Variants in SHANK2 observed in about 807,000 individuals in gnomAD.
SHANK2 encodes the protein SH3 and multiple ankyrin repeat domains 2.
Under a neutral mutation model 133.7 loss-of-function variants are expected in SHANK2, and 43 were observed. The ratio of observed to expected loss-of-function variants is 0.32; its 90% confidence interval spans 0.25 to 0.41. SHANK2 has a LOEUF of 0.41. Ranked by LOEUF, SHANK2 falls within the 10% of genes least tolerant of loss-of-function variation. The pLI is 1.00. For synonymous variants in SHANK2, 1,017 were observed against 952.8 expected, an observed-to-expected ratio of 1.07 and a Z score of -1.24; for missense variants, 1,994 against 2,235.8, an observed-to-expected ratio of 0.89 and a Z score of 2.18.
intron 14 of SHANK2, among the ~76,000 whole-genome samples, chr11:70,788,045 G>C (rs938717346): frequency 6.6e-6 from 1 of 152,214 alleles, no homozygotes; most frequent in African/African-American, 2.4e-5. Context: ...AGGCTGGAAC[G>C]ATAACGTTAC....
At chr11:70,789,486 C>G (rs973758989) in intron 14 of SHANK2, among the ~76,000 whole-genome samples, 1 of 152,186 alleles carries the variant, frequency 6.6e-6, no homozygotes, top group Admixed American at 6.5e-5. Flanking sequence ...CTCACACCTT[C>G]TACCCAGTCG....
At chr11:71,250,720 G>A (rs1948163468) in intron 1 of SHANK2, among the ~76,000 whole-genome samples, 2 of 152,160 alleles carry the variant, frequency 1.3e-5, no homozygotes, top group African/African-American at 4.8e-5. Context: ...ACAGAAGGGC[G>A]TCACTAACTA....
rs1948178197 is a variant in SHANK2 at position 70,807,028 on chromosome 11, G to A, written c.1637C>T (p.Pro546Leu). ...TTTGACCCTGTCACCGCGGTGAAGG[G>A]GGATCTCGCCGTCCACTTGGGGTTG... ...PYQPQVDGEI[P>L]LHRGDRVKVL... The change falls in exon 13 of 26, where the codon CCC becomes CTC. Residue 546 changes from proline (P) to leucine (L), a missense_variant. Pro to Leu is a moderately conservative substitution (Grantham distance 98). Transcript: ENST00000601538. This position sits in a 1 kb window ranked among gnomAD's most constrained non-coding sequence, Gnocchi z 4.8. 1 of 717,814 alleles carries A rather than the reference G, an allele frequency of 1.4e-6. No homozygotes were observed. The highest frequency in any genetic ancestry group is 1.7e-5 in the African/African-American group (1 of 57,234). The allele number at this position is 717,814 out of a possible 1,614,324, so 44.5% of individuals were successfully genotyped here.
In SHANK2 at chr11:71,200,127, C is replaced by T. The variant is rs1555116846; in HGVS notation, c.-13+24570G>A. Among the ~76,000 whole-genome samples the T allele has an allele frequency of 3.3e-5, 5 of 152,310 alleles. No homozygotes were observed. In the East Asian group the frequency reaches 9.6e-4, roughly 29 times the overall value. On this transcript the variant is annotated intron_variant, in intron 2 of 25. Transcript: ENST00000601538. ...ATGGAAACCCTAAACCCATTAGCAG[C>T]CACCTCCCAGCCTCTGGCAACTGCT...
chr11:70,908,008 G>A (rs1213328872), intron 10 of SHANK2: 1 of 427,004 alleles, frequency 2.3e-6, no homozygotes. Flanking sequence ...GGCTGAGGCA[G>A]GAGAATCGCT....
intron 9 of SHANK2, among the ~76,000 whole-genome samples, chr11:71,060,924 T>C (rs1437147750): frequency 6.6e-6 from 1 of 152,258 alleles, no homozygotes; most frequent in Non-Finnish European, 1.5e-5. Context: ...GAGATTTCCA[T>C]ACTCTACTAA....
At chr11:71,091,243 T>C (rs1565445034) in intron 8 of SHANK2, among the ~76,000 whole-genome samples, 3 of 152,076 alleles carry the variant, frequency 2.0e-5, no homozygotes, top group Non-Finnish European at 4.4e-5. Flanking sequence ...GGGGCTGCCA[T>C]GAACAGCCCC....
chr11:70,800,025 T>C (rs138032935), intron 13 of SHANK2, among the ~76,000 whole-genome samples: 2 of 147,120 alleles, frequency 1.4e-5, no homozygotes, highest in Non-Finnish European at 3.0e-5. Flanking sequence ...TATCTTAGGG[T>C]TTTTTTTTTG....
At chr11:70,763,940 T>C (rs1017707239) in intron 14 of SHANK2, among the ~76,000 whole-genome samples, 2 of 152,210 alleles carry the variant, frequency 1.3e-5, no homozygotes, top group Non-Finnish European at 2.9e-5. Flanking sequence ...GTATGAAAGT[T>C]AGATGCTGAC....
At chr11:71,130,229 G>A (rs1352210732) in intron 3 of SHANK2, among the ~76,000 whole-genome samples, 1 of 152,160 alleles carries the variant, frequency 6.6e-6, no homozygotes, top group African/African-American at 2.4e-5. Context: ...AATGACCATG[G>A]GGCGAGTCTC....
At chr11:70,761,054 C>G (rs868982246) in intron 14 of SHANK2, among the ~76,000 whole-genome samples, 3 of 152,112 alleles carry the variant, frequency 2.0e-5, no homozygotes, top group Admixed American at 6.5e-5. Context: ...GGGAGGAGAG[C>G]GTGGGACCCT....
At chr11:71,074,697 C>A (rs1358313109) in intron 9 of SHANK2, among the ~76,000 whole-genome samples, 5 of 151,324 alleles carry the variant, frequency 3.3e-5, no homozygotes, top group Non-Finnish European at 4.4e-5. Context: ...GGGGCAGGGG[C>A]TGACAAGCAG....
At chr11:70,853,531 C>G (rs1949123944) in intron 11 of SHANK2, among the ~76,000 whole-genome samples, 1 of 152,148 alleles carries the variant, frequency 6.6e-6, no homozygotes, top group Non-Finnish European at 1.5e-5. Flanking sequence ...TCTCAGCAGG[C>G]AGGGCAAAGG....
At chr11:71,085,710 A>ATAT (rs1555092664) in intron 8 of SHANK2, among the ~76,000 whole-genome samples, 153 of 63,860 alleles carry the variant, frequency 2.4e-3, no homozygotes, top group African/African-American at 6.1e-3. Context: ...TATATGTTAT[A>ATAT]TATATTATAT....
Position 70,812,144 on chromosome 11 carries a change from G to T in SHANK2, c.1494-4973C>A, listed in dbSNP as rs546180504. 3.7e-4 allele frequency among the ~76,000 whole-genome samples: 56 copies of T among 152,336 alleles called. 2 individuals carry two copies. The South Asian group carries it at 0.011, about 29-fold the overall frequency. On this transcript the variant is annotated intron_variant, in intron 12 of 25. Transcript: ENST00000601538. ...ACTGGTCCAGCTGGCACCAGAGTGC[G>T]TGTCACTTGACAGAGAAGTCAAAGT...
intron 17 of SHANK2, among the ~76,000 whole-genome samples, chr11:70,656,910 A>G (rs1555011770): frequency 1.3e-5 from 2 of 152,214 alleles, no homozygotes; most frequent in African/African-American, 2.4e-5. Flanking sequence ...CAAGCTAAGT[A>G]CCCAAGAAAG....
rs1032917294 is a variant in SHANK2 at position 71,195,189 on chromosome 11, G to A, written c.-13+29508C>T. On this transcript the variant is annotated intron_variant, in intron 2 of 25. Transcript: ENST00000601538. The stretch of plus-strand genomic sequence containing the variant: ...GGGAGGATCACAAGGTCAGGAGATC[G>A]AGACCATCCTGGTTAACACAGTGAA... Among the ~76,000 whole-genome samples the A allele has an allele frequency of 5.3e-5, 8 of 152,134 alleles. No homozygotes were observed. In the East Asian group the frequency reaches 5.8e-4, roughly 11 times the overall value.
At chr11:70,949,103 C>T (rs1950796550) in intron 10 of SHANK2, among the ~76,000 whole-genome samples, 2 of 152,140 alleles carry the variant, frequency 1.3e-5, no homozygotes, top group Admixed American at 1.3e-4. Flanking sequence ...CAACCAGCTG[C>T]TTCTAAATAC....
At chr11:71,167,542 C>T (rs1555111218) in intron 2 of SHANK2, among the ~76,000 whole-genome samples, 1 of 118,700 alleles carries the variant, frequency 8.4e-6, no homozygotes, top group Non-Finnish European at 1.7e-5. Context: ...GGGCGGGGGG[C>T]TGACCCCCCC....
Sources: allele counts gnomAD v4.1 joint callset (sites outside exome capture counted in the v4.1 genomes callset), GRCh38; gene constraint gnomAD v4.1.1; non-coding constraint Gnocchi (gnomAD v3.1); transcripts MANE v1.5; gene names NCBI Gene and HGNC (gene_info 2026-07-23, HGNC 2026-07-21).